Variants in KLHL32 observed in about 807,000 individuals in gnomAD.
The protein encoded by KLHL32 is kelch like family member 32.
Under a neutral mutation model 64.8 loss-of-function variants are expected in KLHL32, and 35 were observed. The observed-to-expected ratio is 0.54, with a 90% CI of 0.41 to 0.72. The LOEUF is 0.72. Among genes scored for constraint, KLHL32 ranks in the 30% least tolerant of loss-of-function variants. KLHL32 has a pLI of 0.00. For missense variants in KLHL32, 589 were observed against 768.5 expected (o/e 0.77, Z 2.76); for synonymous variants, 259 against 281.0 (o/e 0.92, Z 0.78).
At chr6:97,121,928 G>T (rs1798412745) in intron 7 of KLHL32, among the ~76,000 whole-genome samples, 1 of 152,224 alleles carries the variant, frequency 6.6e-6, no homozygotes, top group South Asian at 2.1e-4. Context: ...GCAAAGCTGG[G>T]ACATGAAAGA....
At chr6:97,092,516 G>T (rs1282737264) in intron 6 of KLHL32, among the ~76,000 whole-genome samples, 1 of 152,042 alleles carries the variant, frequency 6.6e-6, no homozygotes, top group East Asian at 1.9e-4. Context: ...TGTGATGAGG[G>T]TATCTCCATT....
At chr6:96,909,467 T>C in the KLHL32 span, among the ~76,000 whole-genome samples, 1 of 152,196 alleles carries the variant, frequency 6.6e-6, no homozygotes, top group Non-Finnish European at 1.5e-5. Flanking sequence ...TATCCCACAG[T>C]TTTAGGAAGA....
At chr6:96,953,793 A>G (rs749383143) in intron 1 of KLHL32, among the ~76,000 whole-genome samples, 42 of 92,044 alleles carry the variant, frequency 4.6e-4, no homozygotes, top group Non-Finnish European at 7.8e-4. Flanking sequence ...TGTTATTTAT[A>G]TAATCAAACC....
chr6:97,033,534 T>C (rs1471537200), intron 3 of KLHL32, among the ~76,000 whole-genome samples: 2 of 152,128 alleles, frequency 1.3e-5, no homozygotes, highest in Non-Finnish European at 2.9e-5. Context: ...TTTCTTTGCA[T>C]ACATACCCAG....
chr6:97,102,754 G>T (rs1358911665), intron 6 of KLHL32, among the ~76,000 whole-genome samples: 2 of 152,060 alleles, frequency 1.3e-5, no homozygotes, highest in African/African-American at 2.4e-5. Flanking sequence ...GGCAAGGGTG[G>T]TGCTGTTTTT....
chr6:96,997,397 A>G (rs1778524717), intron 3 of KLHL32, among the ~76,000 whole-genome samples: 1 of 152,072 alleles, frequency 6.6e-6, no homozygotes, highest in Non-Finnish European at 1.5e-5. Context: ...ACACCCACAT[A>G]TGTATGCATT....
chr6:97,014,282 G>A (rs1340102777), intron 3 of KLHL32, among the ~76,000 whole-genome samples: 2 of 148,660 alleles, frequency 1.3e-5, no homozygotes, highest in South Asian at 2.1e-4. Context: ...GTGACAGAGC[G>A]AGACTCCGTC....
intron 3 of KLHL32, among the ~76,000 whole-genome samples, chr6:97,024,204 C>T (rs1782400300): frequency 1.3e-5 from 2 of 152,172 alleles, no homozygotes; most frequent in South Asian, 4.1e-4. Flanking sequence ...AGCAGTCAAC[C>T]TGGCATTTTA....
chr6:97,055,290 A>G (rs149518717), intron 4 of KLHL32, among the ~76,000 whole-genome samples: 1 of 152,310 alleles, frequency 6.6e-6, no homozygotes, highest in Non-Finnish European at 1.5e-5. Flanking sequence ...TCATCTTACC[A>G]TCAAATTCTC....
intron 7 of KLHL32, among the ~76,000 whole-genome samples, chr6:97,116,449 A>G (rs1306649085): frequency 6.6e-6 from 1 of 152,220 alleles, no homozygotes. Flanking sequence ...TATGAAATCA[A>G]TGCCATTTAT....
At chr6:96,997,755 CCATA>C (rs1363460306) in intron 3 of KLHL32, among the ~76,000 whole-genome samples, 4 of 151,992 alleles carry the variant, frequency 2.6e-5, no homozygotes, top group African/African-American at 9.7e-5. Flanking sequence ...ACAAAAAAAA[CCATA>C]CAAGAGATCC....
chr6:97,100,408 A>G (rs1033853307), intron 6 of KLHL32, among the ~76,000 whole-genome samples: 1 of 152,082 alleles, frequency 6.6e-6, no homozygotes, highest in Non-Finnish European at 1.5e-5. Flanking sequence ...CCCCAGCCCT[A>G]CCAGCTGGCT....
At chr6:97,025,262 G>A in intron 3 of KLHL32, 1 of 387,828 alleles carries the variant, frequency 2.6e-6, no homozygotes, top group Non-Finnish European at 3.5e-6. Flanking sequence ...GCTGCTTGTT[G>A]AATCGGTTGC....
chr6:96,907,351 CATCTTATTA>C, the KLHL32 span, among the ~76,000 whole-genome samples: 1 of 152,140 alleles, frequency 6.6e-6, no homozygotes, highest in African/African-American at 2.4e-5. Flanking sequence ...TTTAGTGATA[CATCTTATTA>C]TTCTAAGTAC....
chr6:96,958,488 G>A (rs1041045680), intron 1 of KLHL32, among the ~76,000 whole-genome samples: 14 of 152,186 alleles, frequency 9.2e-5, no homozygotes, highest in Admixed American at 9.2e-4. Flanking sequence ...GAACAATTGA[G>A]TGTTGATGAG....
At chr6:97,130,987 T>A in intron 9 of KLHL32, 38 bp downstream of exon 9, 1 of 1,577,542 alleles carries the variant, frequency 6.3e-7, no homozygotes, top group South Asian at 1.1e-5. Context: ...GAAAAGTAGA[T>A]TCAAGAAGTC....
intron 1 of KLHL32, among the ~76,000 whole-genome samples, chr6:96,961,485 C>A (rs72926815): frequency 4.6e-5 from 7 of 152,070 alleles, no homozygotes; most frequent in Non-Finnish European, 8.8e-5. Context: ...TTTTTTCCTA[C>A]CCCTTTTGTT....
At chr6:97,005,267 A>G (rs1779529170) in intron 3 of KLHL32, among the ~76,000 whole-genome samples, 1 of 152,124 alleles carries the variant, frequency 6.6e-6, no homozygotes, top group Non-Finnish European at 1.5e-5. Context: ...TTTTGTGCCT[A>G]GAGGTGTTCA....
At chr6:97,089,272 A>G (rs1793870373) in intron 6 of KLHL32, among the ~76,000 whole-genome samples, 1 of 152,254 alleles carries the variant, frequency 6.6e-6, no homozygotes, top group Non-Finnish European at 1.5e-5. Context: ...CAGCTTGTGG[A>G]AATAAAAATG....
Sources: allele counts gnomAD v4.1 joint callset (sites outside exome capture counted in the v4.1 genomes callset), GRCh38; gene constraint gnomAD v4.1.1; transcripts MANE v1.5; gene names NCBI Gene and HGNC (gene_info 2026-07-23, HGNC 2026-07-21).